Variants in ITPR2 observed in about 807,000 individuals in gnomAD.
The protein encoded by ITPR2 is inositol 1,4,5-trisphosphate-gated calcium channel ITPR2.
A neutral mutation model predicts 317.1 loss-of-function variants in ITPR2; 207 were observed. That is an observed-to-expected ratio of 0.65 (90% CI 0.58 to 0.73). The LOEUF (loss-of-function observed/expected upper bound fraction) is 0.73. Among genes scored for constraint, ITPR2 ranks in the 30% least tolerant of loss-of-function variants. ITPR2 has a pLI of 0.00. For synonymous variants in ITPR2, 1,156 were observed against 1,149.1 expected (o/e 1.01, Z -0.12); for missense variants, 2,613 against 3,284.0 (o/e 0.80, Z 4.99).
intron 45 of ITPR2, among the ~76,000 whole-genome samples, chr12:26,472,503 C>A (rs1942316448): frequency 6.6e-6 from 1 of 151,546 alleles, no homozygotes; most frequent in Admixed American, 6.6e-5. Flanking sequence ...AAAAAAAAAA[C>A]AACTTCGATA....
chr12:26,821,596 G>A (rs569332586), intron 1 of ITPR2, among the ~76,000 whole-genome samples: 4 of 152,074 alleles, frequency 2.6e-5, no homozygotes, highest in African/African-American at 4.8e-5. Context: ...CCTTCTTTCC[G>A]TAAGCTGGTC....
chr12:26,552,143 A>G (rs1414214318), intron 36 of ITPR2, among the ~76,000 whole-genome samples: 1 of 152,168 alleles, frequency 6.6e-6, no homozygotes, highest in Non-Finnish European at 1.5e-5. Context: ...GGCAGATTAG[A>G]GACCCCTGAA....
chr12:26,721,580 C>T (rs1041025637), intron 5 of ITPR2, among the ~76,000 whole-genome samples: 11 of 152,106 alleles, frequency 7.2e-5, no homozygotes, highest in Admixed American at 4.6e-4. Context: ...TTATTCAGCG[C>T]TCAGTGTCTA....
At chr12:26,558,246 A>G (rs1227397054) in intron 35 of ITPR2, among the ~76,000 whole-genome samples, 1 of 152,190 alleles carries the variant, frequency 6.6e-6, no homozygotes, top group African/African-American at 2.4e-5. Context: ...TGTTTCATCT[A>G]TTAAACAAAT....
intron 38 of ITPR2, 77 bp from the exon 39 acceptor site, chr12:26,494,417 T>C: frequency 1.1e-6 from 1 of 876,968 alleles, no homozygotes. Flanking sequence ...ATTCTTAAAT[T>C]TTATTATTTT....
chr12:26,740,081 G>A (rs1447139476), intron 2 of ITPR2, among the ~76,000 whole-genome samples: 1 of 152,166 alleles, frequency 6.6e-6, no homozygotes. Flanking sequence ...GGCACACCCA[G>A]GGGTACAGCA....
At chr12:26,530,613 AG>A (rs1488222484) in intron 37 of ITPR2, among the ~76,000 whole-genome samples, 1 of 152,198 alleles carries the variant, frequency 6.6e-6, no homozygotes, top group African/African-American at 2.4e-5. Context: ...TTCTGATTCC[AG>A]GAACTCTGCC....
intron 9 of ITPR2, among the ~76,000 whole-genome samples, chr12:26,704,839 A>G (rs1948521654): frequency 6.6e-6 from 1 of 152,186 alleles, no homozygotes; most frequent in African/African-American, 2.4e-5. Context: ...AACAGTATGC[A>G]TGGGATTTTT....
At chr12:26,494,113 C>A in intron 39 of ITPR2, 40 bp downstream of exon 39, 2 of 1,452,674 alleles carry the variant, frequency 1.4e-6, no homozygotes, top group Non-Finnish European at 1.9e-6. Flanking sequence ...ACAAGAAATA[C>A]CAATAATAAA....
intron 37 of ITPR2, among the ~76,000 whole-genome samples, chr12:26,496,745 T>C (rs906552548): frequency 2.0e-5 from 3 of 152,018 alleles, no homozygotes; most frequent in Middle Eastern, 6.8e-3. Flanking sequence ...AGATAGAGAC[T>C]ATCCTGGCTA....
chr12:26,392,390 T>G (rs958512857), intron 54 of ITPR2, among the ~76,000 whole-genome samples: 1 of 152,186 alleles, frequency 6.6e-6, no homozygotes, highest in Non-Finnish European at 1.5e-5. Flanking sequence ...TCATCTACTC[T>G]CTTTTCTGCC....
In ITPR2 at chr12:26,656,383, G is replaced by A. The variant is rs2230379; in HGVS notation, c.2358C>T (p.His786=). Residue 786 remains histidine, a synonymous_variant, in exon 19 of 57, where the codon CAC becomes CAT. Coordinates refer to ENST00000381340, the MANE Select transcript of ITPR2 (RefSeq NM_002223.4). ...CGGACTCCTGGGGATCCCGGTCAAC[G>A]TGCATGTGGAGCATGAGGCGACAGA... ...ASFCRLMLHM[H]VDRDPQESVV... 0.19 allele frequency: 306,313 copies of A among 1,613,914 alleles called. 35,714 individuals are homozygous for A. The highest frequency in any genetic ancestry group is 0.53 in the East Asian group (23,742 of 44,868).
At chr12:26,795,950 C>T (rs1950430689) in intron 1 of ITPR2, among the ~76,000 whole-genome samples, 1 of 150,098 alleles carries the variant, frequency 6.7e-6, no homozygotes, top group African/African-American at 2.5e-5. Context: ...CGCCACTGCA[C>T]CCCAGCTTGC....
chr12:26,583,471 GTTAT>G (rs1945450395), intron 32 of ITPR2, among the ~76,000 whole-genome samples: 2 of 151,760 alleles, frequency 1.3e-5, no homozygotes, highest in Admixed American at 6.6e-5. Flanking sequence ...TTCAGGCACT[GTTAT>G]TTATTTTGTT....
chr12:26,347,174 TCTTA>T (rs1938338264), intron 55 of ITPR2, among the ~76,000 whole-genome samples: 1 of 152,222 alleles, frequency 6.6e-6, no homozygotes, highest in South Asian at 2.1e-4. Context: ...CTATCCCTAT[TCTTA>T]CTTAATTGTC....
At chr12:26,628,219 T>C in intron 22 of ITPR2, 57 bp from the exon 23 acceptor site, 1 of 1,400,170 alleles carries the variant, frequency 7.1e-7, no homozygotes. Flanking sequence ...TATTTAAAAA[T>C]GCAATTCACA....
At position 26,822,814 on chromosome 12, in the gene ITPR2, G is replaced by A. The variant is rs570771165; in HGVS notation, c.92+9876C>T. The stretch of plus-strand genomic sequence containing the variant: ...GATGGAATGCCATCTTATTCTCAGA[G>A]GATATGAACCAAGCTTAAACCTTAT... On this transcript the variant is annotated intron_variant, in intron 1 of 56. Coordinates refer to ENST00000381340, the MANE Select transcript of ITPR2 (RefSeq NM_002223.4). 1.7e-3 allele frequency among the ~76,000 whole-genome samples: 261 copies of A among 152,222 alleles called. 1 individual carries two copies. The highest frequency in any genetic ancestry group is 2.4e-3 in the Non-Finnish European group (165 of 68,018).
chr12:26,509,459 C>T (rs1943271510), intron 37 of ITPR2, among the ~76,000 whole-genome samples: 1 of 152,182 alleles, frequency 6.6e-6, no homozygotes, highest in Admixed American at 6.5e-5. Context: ...AGGAAAATCA[C>T]TCCTTAAATA....
chr12:26,599,102 T>C (rs1355998463), intron 30 of ITPR2, 43 bp downstream of exon 30: 1 of 1,541,364 alleles, frequency 6.5e-7, no homozygotes, highest in South Asian at 1.1e-5. Flanking sequence ...TATTTGAACA[T>C]ACTGTTTAGG....
Sources: allele counts gnomAD v4.1 joint callset (sites outside exome capture counted in the v4.1 genomes callset), GRCh38; gene constraint gnomAD v4.1.1; transcripts MANE v1.5; gene names NCBI Gene and HGNC (gene_info 2026-07-23, HGNC 2026-07-21).